NAALADL2: variants seen among roughly 807,000 people sequenced by gnomAD.
NAALADL2 encodes N-acetylated alpha-linked acidic dipeptidase like 2.
Under a neutral mutation model 87.2 loss-of-function variants are expected in NAALADL2, and 76 were observed. The observed-to-expected ratio is 0.87, with a 90% CI of 0.72 to 1.05. The LOEUF is 1.05. NAALADL2 is among the 50% of genes least tolerant of loss of function. The probability of loss-of-function intolerance (pLI) is 0.00; values close to 1 mark genes in which losing one functional copy is unlikely to be tolerated. For synonymous variants in NAALADL2, 354 were observed against 331.0 expected (o/e 1.07, Z -0.75); for missense variants, 1,089 against 945.8 (o/e 1.15, Z -1.99).
At chr3:175,792,321 T>C (rs1752892804) in intron 13 of NAALADL2, among the ~76,000 whole-genome samples, 1 of 152,110 alleles carries the variant, frequency 6.6e-6, no homozygotes. Context: ...GTGATGTTTC[T>C]AGTTTTTGTA....
intron 3 of NAALADL2, among the ~76,000 whole-genome samples, chr3:174,833,879 C>G (rs931432954): frequency 1.3e-5 from 2 of 149,398 alleles, no homozygotes; most frequent in Admixed American, 1.3e-4. Flanking sequence ...AATATCACAC[C>G]AAAATTGAAA....
At chr3:175,335,203 C>T (rs1336011502) in intron 5 of NAALADL2, among the ~76,000 whole-genome samples, 3 of 152,146 alleles carry the variant, frequency 2.0e-5, no homozygotes, top group Non-Finnish European at 4.4e-5. Flanking sequence ...GGCTATTTAA[C>T]TTTAAATTAA....
intron 4 of NAALADL2, 131 bp from the exon 5 acceptor site, chr3:175,324,039 AAAAAG>A (rs1316783742): frequency 1.1e-3 from 602 of 551,414 alleles, no homozygotes; most frequent in African/African-American, 4.7e-3. Flanking sequence ...AAAAAAAAAA[AAAAAG>A]AAAAAGAAAA....
intron 5 of NAALADL2, among the ~76,000 whole-genome samples, chr3:175,367,155 A>G (rs1765706895): frequency 1.3e-5 from 2 of 151,584 alleles, no homozygotes; most frequent in African/African-American, 4.9e-5. Flanking sequence ...GGTTTGTCAA[A>G]GATCAGATAG....
chr3:174,961,102 T>C (rs1741924774), intron 1 of NAALADL2, among the ~76,000 whole-genome samples: 1 of 147,974 alleles, frequency 6.8e-6, no homozygotes, highest in African/African-American at 2.5e-5. Flanking sequence ...TAATATAATA[T>C]ATAACATAAT....
chr3:175,743,276 C>T (rs1010492876), intron 12 of NAALADL2, among the ~76,000 whole-genome samples: 1 of 152,224 alleles, frequency 6.6e-6, no homozygotes, highest in African/African-American at 2.4e-5. Context: ...GCTGGGATTA[C>T]AGGCATGAGC....
chr3:174,780,105 A>G (rs943527974), intron 3 of NAALADL2, among the ~76,000 whole-genome samples: 5 of 152,210 alleles, frequency 3.3e-5, no homozygotes, highest in African/African-American at 7.2e-5. Context: ...GTCCATGAGC[A>G]TGGAATATTT....
At chr3:174,996,113 A>G (rs564918210) in intron 1 of NAALADL2, among the ~76,000 whole-genome samples, 5 of 152,324 alleles carry the variant, frequency 3.3e-5, no homozygotes, top group African/African-American at 1.2e-4. Flanking sequence ...AAGATTTGCC[A>G]ACGGACTTAT....
intron 3 of NAALADL2, among the ~76,000 whole-genome samples, chr3:174,741,650 A>G (rs1383555880): frequency 1.3e-5 from 2 of 151,650 alleles, no homozygotes; most frequent in Admixed American, 6.6e-5. Context: ...GCTGAGTAAT[A>G]TTTTAAAGGG....
At chr3:174,571,891 A>G (rs1226357089) in intron 2 of NAALADL2, among the ~76,000 whole-genome samples, 1 of 152,252 alleles carries the variant, frequency 6.6e-6, no homozygotes, top group African/African-American at 2.4e-5. Context: ...ATAAAGTATT[A>G]GATCCCAATA....
chr3:175,438,935 T>C (rs1054825372), intron 5 of NAALADL2, among the ~76,000 whole-genome samples: 6 of 152,090 alleles, frequency 3.9e-5, no homozygotes, highest in African/African-American at 1.2e-4. Context: ...ATTTCTGAGA[T>C]TTTGGTATAC....
At chr3:175,288,003 C>G (rs551437013) in intron 4 of NAALADL2, among the ~76,000 whole-genome samples, 1 of 152,110 alleles carries the variant, frequency 6.6e-6, no homozygotes, top group Non-Finnish European at 1.5e-5. Flanking sequence ...TTTATATGAT[C>G]ATATAACATC....
intron 4 of NAALADL2, among the ~76,000 whole-genome samples, chr3:175,280,233 C>CT (rs1206443331): frequency 1.3e-5 from 2 of 151,916 alleles, no homozygotes; most frequent in Non-Finnish European, 2.9e-5. Flanking sequence ...TATCGATTTC[C>CT]TTTTTCTCAA....
intron 3 of NAALADL2, among the ~76,000 whole-genome samples, chr3:174,753,894 C>A (rs770817123): frequency 6.6e-6 from 1 of 152,140 alleles, no homozygotes; most frequent in Non-Finnish European, 1.5e-5. Flanking sequence ...GTGTCCTTGT[C>A]TGAAGAGACA....
intron 12 of NAALADL2, among the ~76,000 whole-genome samples, chr3:175,737,873 A>G (rs1202450930): frequency 6.6e-6 from 1 of 151,892 alleles, no homozygotes; most frequent in Non-Finnish European, 1.5e-5. Context: ...ATCAAAGATG[A>G]TAAAGAAGAA....
chr3:174,671,968 G>GATGATGA (rs1485544367), intron 2 of NAALADL2, among the ~76,000 whole-genome samples: 82 of 90,236 alleles, frequency 9.1e-4, no homozygotes, highest in Admixed American at 2.0e-3. Context: ...GATGACAGTG[G>GATGATGA]TGATGATGGC....
chr3:174,604,844 C>A (rs1351550736), intron 2 of NAALADL2, among the ~76,000 whole-genome samples: 1 of 151,676 alleles, frequency 6.6e-6, no homozygotes, highest in Non-Finnish European at 1.5e-5. Context: ...TCTTGGCTCA[C>A]CACAACCTCC....
At chr3:175,448,591 G>C (rs1159573394) in intron 6 of NAALADL2, among the ~76,000 whole-genome samples, 2 of 152,114 alleles carry the variant, frequency 1.3e-5, no homozygotes, top group Non-Finnish European at 2.9e-5. Context: ...CCTCCCACTG[G>C]AAGCCTCTAT....
chr3:175,338,075 C>A (rs540416509), intron 5 of NAALADL2, among the ~76,000 whole-genome samples: 1 of 152,172 alleles, frequency 6.6e-6, no homozygotes, highest in Non-Finnish European at 1.5e-5. Flanking sequence ...TTTAGATACA[C>A]CAAGCTATGT....
Sources: gnomAD v4.1 joint callset for allele counts (sites outside exome capture counted in the v4.1 genomes callset) on GRCh38, gnomAD v4.1.1 for gene constraint, MANE v1.5 for transcripts, NCBI Gene and HGNC (gene_info 2026-07-23, HGNC 2026-07-21) for gene names.